CWF19L2: variants seen among roughly 807,000 people sequenced by gnomAD.
CWF19L2 encodes CWF19-like protein 2.
A neutral mutation model predicts 111.7 loss-of-function variants in CWF19L2; 98 were observed. That is an observed-to-expected ratio of 0.88 (90% CI 0.75 to 1.04). The LOEUF (loss-of-function observed/expected upper bound fraction) is 1.04. Ranked by LOEUF, CWF19L2 falls within the 50% of genes least tolerant of loss-of-function variation. The pLI is 0.00. For synonymous variants in CWF19L2, 351 were observed against 342.9 expected, an observed-to-expected ratio of 1.02 and a Z score of -0.26; for missense variants, 1,101 against 1,051.4, an observed-to-expected ratio of 1.05 and a Z score of -0.65.
chr11:107,451,069 T>C (rs546719975), intron 3 of CWF19L2, among the ~76,000 whole-genome samples: 99 of 152,150 alleles, frequency 6.5e-4, no homozygotes, highest in African/African-American at 2.4e-3. Context: ...ACATATGGAA[T>C]TTTCACCAAA....
intron 7 of CWF19L2, 64 bp downstream of exon 7, chr11:107,433,569 TA>T: frequency 1.7e-6 from 1 of 595,874 alleles, no homozygotes. Flanking sequence ...AAAACAAAGC[TA>T]AAGGCACTTA....
intron 14 of CWF19L2, among the ~76,000 whole-genome samples, chr11:107,341,755 TCTA>T: frequency 6.6e-6 from 1 of 152,298 alleles, no homozygotes; most frequent in Middle Eastern, 3.4e-3. Flanking sequence ...CATTATGAAG[TCTA>T]CTTCCTTATT....
intron 6 of CWF19L2, among the ~76,000 whole-genome samples, chr11:107,435,686 AT>A (rs915751327): frequency 8.5e-5 from 13 of 152,168 alleles, no homozygotes; most frequent in Non-Finnish European, 1.2e-4. Flanking sequence ...TATTAATCTT[AT>A]AATTAGAGAT....
chr11:107,414,492 A>T (rs1237532609), intron 10 of CWF19L2, among the ~76,000 whole-genome samples: 3 of 152,182 alleles, frequency 2.0e-5, no homozygotes, highest in African/African-American at 7.2e-5. Flanking sequence ...AATAACTCCC[A>T]AATTTCTATC....
intron 12 of CWF19L2, among the ~76,000 whole-genome samples, chr11:107,363,137 G>T (rs992455947): frequency 6.6e-6 from 1 of 152,096 alleles, no homozygotes; most frequent in Non-Finnish European, 1.5e-5. Context: ...AGAATAAAAA[G>T]AAATGAGCAA....
At chr11:107,436,051 G>A (rs1037234206) in intron 6 of CWF19L2, among the ~76,000 whole-genome samples, 2 of 151,946 alleles carry the variant, frequency 1.3e-5, no homozygotes, top group African/African-American at 4.8e-5. Flanking sequence ...CTACTCGGGA[G>A]GCTGAGGCAG....
At position 107,392,767 on chromosome 11, in the gene CWF19L2, T is replaced by C. The variant is rs201975256; in HGVS notation, c.1734+12A>G. 2.0e-4 allele frequency: 288 copies of C among 1,447,050 alleles called. 1 individual carries two copies. Among genetic ancestry groups the C allele is most frequent in the Non-Finnish European group, 6.7e-5 (70 of 1,041,534 alleles). 89.6% of individuals were successfully genotyped at this position (1,447,050 alleles called of 1,614,324 possible). The stretch of plus-strand genomic sequence containing the variant: ...TTCTGAATTAATAAACAAAGACATA[T>C]GTTAAACATACCATCTGTCTCTTTC... On this transcript the variant is annotated intron_variant, in intron 11 of 17. Transcript: ENST00000282251.
chr11:107,439,035 G>GAAAAA (rs375132996), intron 6 of CWF19L2, 55 bp downstream of exon 6: 4,668 of 287,046 alleles, frequency 0.016, 5 homozygotes, highest in Middle Eastern at 0.023. Flanking sequence ...ACTCTGTCTC[G>GAAAAA]AAAAAAAAAA....
intron 10 of CWF19L2, among the ~76,000 whole-genome samples, chr11:107,405,555 AAC>A (rs67479672): frequency 0.23 from 35,505 of 151,314 alleles, 4,436 homozygotes; most frequent in Non-Finnish European, 0.29. Context: ...ATGATGAACT[AAC>A]AAAAAAAACA....
At chr11:107,388,875 GCAT>G (rs766875600) in intron 12 of CWF19L2, among the ~76,000 whole-genome samples, 4 of 152,002 alleles carry the variant, frequency 2.6e-5, no homozygotes, top group Non-Finnish European at 5.9e-5. Flanking sequence ...GAAATTTCTG[GCAT>G]TTTTTCCAAA....
chr11:107,436,521 T>C (rs1861543778), intron 6 of CWF19L2, among the ~76,000 whole-genome samples: 1 of 152,182 alleles, frequency 6.6e-6, no homozygotes, highest in Non-Finnish European at 1.5e-5. Flanking sequence ...ATTAAATATA[T>C]GTAAAATCTT....
intron 10 of CWF19L2, among the ~76,000 whole-genome samples, chr11:107,394,110 T>C (rs934754989): frequency 2.8e-4 from 42 of 152,194 alleles, no homozygotes; most frequent in Non-Finnish European, 5.1e-4. Flanking sequence ...ATTCACATTA[T>C]AGTTTTCTTC....
chr11:107,430,849 A>C (rs1408933449), intron 7 of CWF19L2, among the ~76,000 whole-genome samples: 2 of 151,970 alleles, frequency 1.3e-5, no homozygotes, highest in Admixed American at 1.3e-4. Flanking sequence ...AAATTTGCTA[A>C]GAGAGTAGAT....
chr11:107,409,243 T>C (rs1381090088), intron 10 of CWF19L2, among the ~76,000 whole-genome samples: 1 of 152,088 alleles, frequency 6.6e-6, no homozygotes, highest in East Asian at 1.9e-4. Flanking sequence ...GTCAAACTAC[T>C]ACTGGAAATA....
At chr11:107,371,266 G>C (rs1347515944) in intron 12 of CWF19L2, among the ~76,000 whole-genome samples, 2 of 137,230 alleles carry the variant, frequency 1.5e-5, no homozygotes, top group African/African-American at 5.8e-5. Context: ...GCCTCCCAAA[G>C]TGCTGGGATT....
At chr11:107,386,081 C>T (rs2134589364) in intron 12 of CWF19L2, among the ~76,000 whole-genome samples, 2 of 152,226 alleles carry the variant, frequency 1.3e-5, no homozygotes, top group African/African-American at 4.8e-5. Context: ...GGGTTTGGTA[C>T]CATCCACAGT....
At chr11:107,404,447 T>C in intron 10 of CWF19L2, 3 of 774,000 alleles carry the variant, frequency 3.9e-6, no homozygotes, top group Non-Finnish European at 7.2e-6. Flanking sequence ...GAACTGGCTG[T>C]TGGCACCCGG....
At chr11:107,449,467 A>C (rs1861748783) in intron 3 of CWF19L2, among the ~76,000 whole-genome samples, 1 of 152,156 alleles carries the variant, frequency 6.6e-6, no homozygotes, top group African/African-American at 2.4e-5. Flanking sequence ...ACTTATTTAA[A>C]AGATAACTGA....
At chr11:107,388,876 C>T (rs1860809057) in intron 12 of CWF19L2, among the ~76,000 whole-genome samples, 1 of 152,122 alleles carries the variant, frequency 6.6e-6, no homozygotes, top group African/African-American at 2.4e-5. Flanking sequence ...AAATTTCTGG[C>T]ATTTTTTCCA....
Sources: gnomAD v4.1 joint callset for allele counts (sites outside exome capture counted in the v4.1 genomes callset) on GRCh38, gnomAD v4.1.1 for gene constraint, MANE v1.5 for transcripts, NCBI Gene and HGNC (gene_info 2026-07-23, HGNC 2026-07-21) for gene names.